Variants in PHF14 observed in about 807,000 individuals in gnomAD.
The protein encoded by PHF14 is PHD finger protein 14.
PHF14 carries 55 observed loss-of-function variants against 117.9 expected under a neutral mutation model. The observed-to-expected ratio is 0.47, with a 90% CI of 0.38 to 0.58. The LOEUF (loss-of-function observed/expected upper bound fraction) is 0.58. PHF14 is among the 20% of genes least tolerant of loss of function. The probability of loss-of-function intolerance (pLI) is 0.00; values close to 1 mark genes in which losing one functional copy is unlikely to be tolerated. For missense variants in PHF14, 978 were observed against 1,122.2 expected, an observed-to-expected ratio of 0.87 and a Z score of 1.84; for synonymous variants, 409 against 368.6, an observed-to-expected ratio of 1.11 and a Z score of -1.26.
chr7:11,037,585 TA>T (rs1357342380), intron 10 of PHF14, among the ~76,000 whole-genome samples: 1 of 152,196 alleles, frequency 6.6e-6, no homozygotes. Context: ...AATTATATTA[TA>T]ATGTTTGGAA....
At chr7:11,125,314 A>G (rs768659811) in intron 17 of PHF14, among the ~76,000 whole-genome samples, 3 of 152,112 alleles carry the variant, frequency 2.0e-5, no homozygotes, top group Non-Finnish European at 4.4e-5. Context: ...CTTTGCAAAG[A>G]TAGTTTAAGA....
At chr7:11,044,532 C>G (rs1048688749) in intron 13 of PHF14, among the ~76,000 whole-genome samples, 1 of 152,088 alleles carries the variant, frequency 6.6e-6, no homozygotes, top group Admixed American at 6.6e-5. Flanking sequence ...ATCAACTTAG[C>G]TTTGGTTAGC....
intron 4 of PHF14, among the ~76,000 whole-genome samples, chr7:10,996,424 G>C (rs1242103913): frequency 6.6e-6 from 1 of 152,084 alleles, no homozygotes; most frequent in Non-Finnish European, 1.5e-5. Flanking sequence ...AGAGGAGATG[G>C]GGAACACATG....
intron 17 of PHF14, among the ~76,000 whole-genome samples, chr7:11,142,969 A>G (rs1431467390): frequency 6.6e-6 from 1 of 152,136 alleles, no homozygotes; most frequent in African/African-American, 2.4e-5. Context: ...AACTGCTTAT[A>G]TCTTGTTGTA....
At chr7:11,131,429 T>C (rs999324545) in intron 17 of PHF14, among the ~76,000 whole-genome samples, 3 of 152,008 alleles carry the variant, frequency 2.0e-5, no homozygotes, top group African/African-American at 7.2e-5. Flanking sequence ...TTCATATGCT[T>C]ATTTGCCATA....
At chr7:11,009,189 TA>T (rs1476483372) in intron 4 of PHF14, among the ~76,000 whole-genome samples, 1 of 152,208 alleles carries the variant, frequency 6.6e-6, no homozygotes, top group Non-Finnish European at 1.5e-5. Context: ...TAGATATTAT[TA>T]AACACATACT....
At chr7:11,153,962 T>TGTGTGTGTGTGG in intron 17 of PHF14, among the ~76,000 whole-genome samples, 1 of 151,712 alleles carries the variant, frequency 6.6e-6, no homozygotes, top group African/African-American at 2.4e-5. Flanking sequence ...TGTGTGTGTG[T>TGTGTGTGTGTGG]GTGTGTGTGT....
At chr7:11,107,629 T>G (rs1454607656) in intron 16 of PHF14, 1 of 719,596 alleles carries the variant, frequency 1.4e-6, no homozygotes, top group Non-Finnish European at 1.7e-6. Context: ...AGTTTTGTAT[T>G]CTTTTTTAAT....
intron 7 of PHF14, among the ~76,000 whole-genome samples, chr7:11,031,188 C>A (rs1312315960): frequency 6.6e-6 from 1 of 150,632 alleles, no homozygotes; most frequent in Non-Finnish European, 1.5e-5. Context: ...TTTATATAGG[C>A]TGTTAAAAAA....
intron 7 of PHF14, among the ~76,000 whole-genome samples, chr7:11,032,587 T>A (rs113516970): frequency 3.3e-5 from 5 of 152,292 alleles, no homozygotes; most frequent in African/African-American, 1.2e-4. Flanking sequence ...GGATTTTGTT[T>A]GTTAGGAGTA....
intron 4 of PHF14, among the ~76,000 whole-genome samples, chr7:11,000,657 T>G (rs10245957): frequency 0.018 from 2,758 of 152,248 alleles, 79 homozygotes; most frequent in African/African-American, 0.063. Context: ...CTTTTGTATA[T>G]CTTCTTGGAT....
intron 17 of PHF14, among the ~76,000 whole-genome samples, chr7:11,138,584 G>A (rs921114454): frequency 2.0e-5 from 3 of 152,008 alleles, no homozygotes; most frequent in Admixed American, 6.6e-5. Context: ...AGCTAAACAA[G>A]GAAATATTTG....
At chr7:11,014,848 T>G (rs1045109610) in intron 5 of PHF14, 1 of 152,014 alleles carries the variant, frequency 6.6e-6, no homozygotes, top group African/African-American at 2.4e-5. Context: ...TGTTAACACA[T>G]TTGAGCACTT....
At chr7:11,160,346 A>G (rs1355919792) in intron 17 of PHF14, among the ~76,000 whole-genome samples, 4 of 152,202 alleles carry the variant, frequency 2.6e-5, no homozygotes, top group African/African-American at 4.8e-5. Flanking sequence ...GCTATTATGA[A>G]CAGTGCTGCA....
chr7:11,026,104 T>C (rs1229878846), intron 6 of PHF14, among the ~76,000 whole-genome samples: 5 of 91,030 alleles, frequency 5.5e-5, no homozygotes, highest in African/African-American at 1.3e-4. Flanking sequence ...AGTGTGAGAC[T>C]CCATCAAAAA....
chr7:11,147,546 G>A (rs767456204), intron 17 of PHF14, among the ~76,000 whole-genome samples: 6 of 152,134 alleles, frequency 3.9e-5, no homozygotes, highest in East Asian at 1.9e-4. Flanking sequence ...TAGTTATGCC[G>A]CTGTCTGAAT....
intron 16 of PHF14, among the ~76,000 whole-genome samples, chr7:11,101,621 G>A (rs1221231710): frequency 6.6e-6 from 1 of 151,690 alleles, no homozygotes; most frequent in Non-Finnish European, 1.5e-5. Flanking sequence ...ACTTTCTTTG[G>A]AGGTTATTCA....
At chr7:11,043,185 G>A (rs1329463973) in intron 13 of PHF14, among the ~76,000 whole-genome samples, 1 of 151,730 alleles carries the variant, frequency 6.6e-6, no homozygotes, top group Non-Finnish European at 1.5e-5. Context: ...TTTATTTTTG[G>A]ATTAGAGTCA....
intron 16 of PHF14, chr7:11,102,843 C>A: frequency 1.7e-6 from 2 of 1,199,258 alleles, no homozygotes; most frequent in Non-Finnish European, 2.1e-6. Context: ...TCAGAATTGT[C>A]GTATTAAGTA....
Sources: gnomAD v4.1 joint callset for allele counts (sites outside exome capture counted in the v4.1 genomes callset) on GRCh38, gnomAD v4.1.1 for gene constraint, MANE v1.5 for transcripts, NCBI Gene and HGNC (gene_info 2026-07-23, HGNC 2026-07-21) for gene names.